The following RRAS2 variants were observed in gnomAD, a reference collection of about 807,000 sequenced individuals.
RRAS2 encodes RAS related 2.
Under a neutral mutation model 27.6 loss-of-function variants are expected in RRAS2, and 7 were observed. That is an observed-to-expected ratio of 0.25 (90% CI 0.14 to 0.48). The LOEUF is 0.48. Ranked by LOEUF, RRAS2 falls within the 20% of genes least tolerant of loss-of-function variation. RRAS2 has a pLI of 0.99. For synonymous variants in RRAS2, 86 were observed against 90.9 expected (o/e 0.95, Z 0.31); for missense variants, 178 against 256.2 (o/e 0.69, Z 2.08).
intron 1 of RRAS2, among the ~76,000 whole-genome samples, chr11:14,335,806 G>C (rs1848577592): frequency 1.3e-5 from 2 of 152,162 alleles, no homozygotes; most frequent in Non-Finnish European, 2.9e-5. Flanking sequence ...AGTTGAAAAA[G>C]CCAGCAACAT....
intron 1 of RRAS2, among the ~76,000 whole-genome samples, chr11:14,339,919 G>C (rs563490632): frequency 2.8e-3 from 427 of 151,920 alleles, no homozygotes; most frequent in Non-Finnish European, 5.1e-3. Flanking sequence ...TTCGAGACCA[G>C]CCTGGGCAAT....
At chr11:14,308,070 A>T in intron 1 of RRAS2, 1 of 291,978 alleles carries the variant, frequency 3.4e-6, no homozygotes, top group Non-Finnish European at 6.7e-6. Flanking sequence ...GAATATAACC[A>T]TTAAAAAAAG....
At chr11:14,342,947 A>T (rs1260479594) in intron 1 of RRAS2, among the ~76,000 whole-genome samples, 1 of 152,236 alleles carries the variant, frequency 6.6e-6, no homozygotes, top group Non-Finnish European at 1.5e-5. Context: ...AACGAAGAAA[A>T]GTCACTAATT....
chr11:14,286,303 CA>C (rs782407954), intron 4 of RRAS2, among the ~76,000 whole-genome samples: 5 of 152,130 alleles, frequency 3.3e-5, no homozygotes, highest in African/African-American at 4.8e-5. Context: ...TATCAGGTAT[CA>C]GATATTTTGT....
chr11:14,354,669 T>A (rs1849033071), intron 1 of RRAS2, among the ~76,000 whole-genome samples: 1 of 102,058 alleles, frequency 9.8e-6, no homozygotes, highest in Non-Finnish European at 2.0e-5. Flanking sequence ...CAAGTAACAA[T>A]TTCTTTTTTT....
chr11:14,341,391 T>C (rs1004283007), intron 1 of RRAS2, among the ~76,000 whole-genome samples: 1 of 152,290 alleles, frequency 6.6e-6, no homozygotes, highest in Admixed American at 6.5e-5. Flanking sequence ...AAAGGCAAAA[T>C]TAATCATCAG....
intron 4 of RRAS2, among the ~76,000 whole-genome samples, chr11:14,283,471 T>C (rs1849593786): frequency 6.6e-6 from 1 of 152,236 alleles, no homozygotes; most frequent in Admixed American, 6.5e-5. Flanking sequence ...GAACACTTTG[T>C]ACAGAATCAG....
Position 14,358,931 on chromosome 11 carries a change from C to T in RRAS2, c.-61G>A, listed in dbSNP as rs1394145075. 15 of 1,215,068 alleles carry T rather than the reference C, an allele frequency of 1.2e-5. No individual in the cohort carries two copies. The African/African-American group carries it at 1.8e-4, about 14-fold the overall frequency. 75.3% of individuals were successfully genotyped at this position (1,215,068 alleles called of 1,614,324 possible). On this transcript the variant is annotated 5_prime_UTR_variant, in exon 1 of 6. Coordinates refer to ENST00000256196, the MANE Select transcript of RRAS2 (RefSeq NM_012250.6). This position sits in a 1 kb window ranked among gnomAD's most constrained non-coding sequence, Gnocchi z 5.1. ...CCGCCGCTGCCGCCCGCCCTAGGCC[C>T]GGCTCCGGGGACGTGTGCGGCCGGC... is the stretch of plus-strand genomic sequence containing the variant.
chr11:14,332,388 C>T (rs1848498115), intron 1 of RRAS2, among the ~76,000 whole-genome samples: 1 of 152,238 alleles, frequency 6.6e-6, no homozygotes, highest in African/African-American at 2.4e-5. Flanking sequence ...GTAGTCCCAG[C>T]TACTTGGGAG....
chr11:14,283,861 TTTTA>T (rs1329477767), intron 4 of RRAS2, among the ~76,000 whole-genome samples: 3 of 152,158 alleles, frequency 2.0e-5, no homozygotes, highest in Non-Finnish European at 4.4e-5. Context: ...GGTTTTTATT[TTTTA>T]TTTTTTTTGG....
chr11:14,289,050 A>G (rs1849741841), intron 4 of RRAS2, among the ~76,000 whole-genome samples: 1 of 152,176 alleles, frequency 6.6e-6, no homozygotes, highest in Non-Finnish European at 1.5e-5. Flanking sequence ...CTACACCTAC[A>G]TTCACCATCT....
At chr11:14,310,524 T>C (rs1847936993) in intron 1 of RRAS2, among the ~76,000 whole-genome samples, 1 of 152,094 alleles carries the variant, frequency 6.6e-6, no homozygotes, top group Non-Finnish European at 1.5e-5. Context: ...AAGAAAATAA[T>C]TTAAGAAGGA....
At chr11:14,354,391 A>G (rs1245111126) in intron 1 of RRAS2, 1 of 152,198 alleles carries the variant, frequency 6.6e-6, no homozygotes, top group Non-Finnish European at 1.5e-5. Flanking sequence ...ATAAAGCACT[A>G]ACCCCAAAAT....
intron 1 of RRAS2, among the ~76,000 whole-genome samples, chr11:14,314,651 T>C (rs1269397117): frequency 6.6e-6 from 1 of 152,210 alleles, no homozygotes; most frequent in African/African-American, 2.4e-5. Context: ...TGAAAATTAT[T>C]GCCAAACCAA....
At chr11:14,284,647 C>T (rs1025123626) in intron 4 of RRAS2, among the ~76,000 whole-genome samples, 2 of 152,132 alleles carry the variant, frequency 1.3e-5, no homozygotes, top group Admixed American at 6.5e-5. Context: ...TAGTTCTTAA[C>T]ATCTTGCTTC....
intron 1 of RRAS2, among the ~76,000 whole-genome samples, chr11:14,339,971 T>C (rs916709572): frequency 4.6e-5 from 7 of 151,568 alleles, no homozygotes; most frequent in South Asian, 2.1e-4. Flanking sequence ...CACAAAAAAA[T>C]AGCCGGGTGT....
At chr11:14,316,073 G>C (rs996169962) in intron 1 of RRAS2, among the ~76,000 whole-genome samples, 1 of 152,050 alleles carries the variant, frequency 6.6e-6, no homozygotes, top group African/African-American at 2.4e-5. Flanking sequence ...AGAAAGCCCA[G>C]ATCAGAAACC....
intron 1 of RRAS2, among the ~76,000 whole-genome samples, chr11:14,307,530 A>AG (rs11393922): frequency 0.85 from 129,135 of 151,812 alleles, 55,258 homozygotes; most frequent in Admixed American, 0.9. Context: ...CTGGGATAAC[A>AG]GCGCCCACCA....
At chr11:14,337,390 G>A (rs534738059) in intron 1 of RRAS2, among the ~76,000 whole-genome samples, 20 of 152,200 alleles carry the variant, frequency 1.3e-4, no homozygotes, top group African/African-American at 4.6e-4. Flanking sequence ...ATGCCTCAAC[G>A]ATCCAGGATC....
Sources: gnomAD v4.1 joint callset for allele counts (sites outside exome capture counted in the v4.1 genomes callset) on GRCh38, gnomAD v4.1.1 for gene constraint, Gnocchi (gnomAD v3.1) non-coding constraint, MANE v1.5 for transcripts, NCBI Gene and HGNC (gene_info 2026-07-23, HGNC 2026-07-21) for gene names.